The following MAML3 variants were observed in gnomAD, a reference collection of about 807,000 sequenced individuals.
MAML3 encodes the protein mastermind-like protein 3.
A neutral mutation model predicts 101.9 loss-of-function variants in MAML3; 27 were observed. The observed-to-expected ratio is 0.27, with a 90% CI of 0.20 to 0.37. The LOEUF (loss-of-function observed/expected upper bound fraction) is 0.37, where lower values mean the gene tolerates loss of function less well. Ranked by LOEUF, MAML3 falls within the 10% of genes least tolerant of loss-of-function variation. MAML3 has a pLI of 1.00. For synonymous variants in MAML3, 501 were observed against 555.9 expected (o/e 0.90, Z 1.39); for missense variants, 1,316 against 1,444.9 (o/e 0.91, Z 1.45).
At chr4:139,943,283 C>T (rs904130125) in intron 1 of MAML3, among the ~76,000 whole-genome samples, 7 of 152,060 alleles carry the variant, frequency 4.6e-5, no homozygotes, top group African/African-American at 1.4e-4. Context: ...AAGACAGCCA[C>T]GATTGACAGG....
At chr4:139,800,839 A>G (rs1184137862) in intron 2 of MAML3, among the ~76,000 whole-genome samples, 1 of 152,260 alleles carries the variant, frequency 6.6e-6, no homozygotes, top group African/African-American at 2.4e-5. Context: ...GCAACCAGTA[A>G]TCCTGTTGAG....
chr4:139,979,643 AG>A (rs544205294), intron 1 of MAML3, among the ~76,000 whole-genome samples: 101 of 152,304 alleles, frequency 6.6e-4, no homozygotes, highest in Admixed American at 2.0e-3. Flanking sequence ...CCCTTATAAA[AG>A]AGGCTTCCCA....
intron 1 of MAML3, among the ~76,000 whole-genome samples, chr4:139,989,963 A>G (rs1317142047): frequency 2.6e-5 from 4 of 152,106 alleles, no homozygotes; most frequent in Non-Finnish European, 5.9e-5. Flanking sequence ...TTAAATATTA[A>G]GTATCTTTAA....
chr4:140,038,862 GGCTCAT>G (rs972070738), intron 1 of MAML3, among the ~76,000 whole-genome samples: 1 of 152,186 alleles, frequency 6.6e-6, no homozygotes, highest in African/African-American at 2.4e-5. Flanking sequence ...TGGGCGTGGT[GGCTCAT>G]GCTTGTAATC....
intron 1 of MAML3, among the ~76,000 whole-genome samples, chr4:140,052,301 C>T (rs1390327565): frequency 6.6e-6 from 1 of 152,160 alleles, no homozygotes. Context: ...GGTGGAGCCA[C>T]TGCGGGGTAG....
At chr4:139,738,572 C>T (rs1729039777) in intron 2 of MAML3, among the ~76,000 whole-genome samples, 1 of 152,046 alleles carries the variant, frequency 6.6e-6, no homozygotes, top group Admixed American at 6.6e-5. Flanking sequence ...GTCTTGGTCC[C>T]CATTATTTTA....
intron 1 of MAML3, among the ~76,000 whole-genome samples, chr4:140,126,228 A>G (rs2111032567): frequency 1.3e-5 from 2 of 151,740 alleles, no homozygotes; most frequent in Middle Eastern, 3.5e-3. Context: ...CCAACCCCCA[A>G]AAGGTTTACC....
At chr4:140,121,589 GC>G (rs1353260826) in intron 1 of MAML3, among the ~76,000 whole-genome samples, 1 of 152,254 alleles carries the variant, frequency 6.6e-6, no homozygotes, top group East Asian at 1.9e-4. Context: ...ATATGGCAAA[GC>G]AAAAACTAGA....
chr4:139,990,362 A>G (rs1384070453), intron 1 of MAML3, among the ~76,000 whole-genome samples: 5 of 152,176 alleles, frequency 3.3e-5, no homozygotes, highest in African/African-American at 7.2e-5. Flanking sequence ...TCTTCATGCT[A>G]AAAACTCTCA....
intron 1 of MAML3, among the ~76,000 whole-genome samples, chr4:140,036,783 C>G (rs1726992832): frequency 6.6e-6 from 1 of 151,990 alleles, no homozygotes; most frequent in Admixed American, 6.6e-5. Context: ...TAAAAATAAC[C>G]ATGCTTTCTT....
chr4:139,945,418 A>G (rs1212328931), intron 1 of MAML3, among the ~76,000 whole-genome samples: 1 of 152,164 alleles, frequency 6.6e-6, no homozygotes, highest in Admixed American at 6.5e-5. Context: ...TTATCCTTAT[A>G]CCTGGAAGTT....
intron 1 of MAML3, among the ~76,000 whole-genome samples, chr4:140,116,769 T>C (rs2111018646): frequency 6.6e-6 from 1 of 152,326 alleles, no homozygotes; most frequent in African/African-American, 2.4e-5. Flanking sequence ...CCCAAATGAA[T>C]GGTAACACTT....
chr4:140,034,640 G>A (rs1726956882), intron 1 of MAML3, among the ~76,000 whole-genome samples: 1 of 152,186 alleles, frequency 6.6e-6, no homozygotes, highest in Non-Finnish European at 1.5e-5. Context: ...TGGAATCAGA[G>A]TACCTGGATT....
intron 1 of MAML3, among the ~76,000 whole-genome samples, chr4:139,891,270 T>C (rs935701230): frequency 2.6e-5 from 4 of 152,146 alleles, no homozygotes; most frequent in Non-Finnish European, 2.9e-5. Context: ...AATAATCTGT[T>C]ATTATTTTCT....
chr4:139,835,227 G>A (rs1287778988), intron 2 of MAML3, among the ~76,000 whole-genome samples: 3 of 152,246 alleles, frequency 2.0e-5, no homozygotes. Context: ...TGTCAGCAGT[G>A]TGCATAAGCA....
intron 1 of MAML3, among the ~76,000 whole-genome samples, chr4:140,057,133 A>G (rs1049220042): frequency 6.6e-6 from 1 of 152,196 alleles, no homozygotes; most frequent in African/African-American, 2.4e-5. Flanking sequence ...AAAATTAGCC[A>G]GGTGGGATGG....
rs115752432 is a variant in MAML3 at position 139,989,553 on chromosome 4, C to T, written c.469-98586G>A. On this transcript the variant is annotated intron_variant, in intron 1 of 4. Transcript: ENST00000509479. The stretch of plus-strand genomic sequence containing the variant: ...CTTCAGTGTGGGATGCTATGACTCA[C>T]GGTCCATGAGTCATGGAGCCCACAG... 6.5e-3 allele frequency among the ~76,000 whole-genome samples: 995 copies of T among 152,154 alleles called. 11 individuals carry two copies. Among genetic ancestry groups the T allele is most frequent in the African/African-American group, 0.023 (946 of 41,502 alleles).
intron 2 of MAML3, among the ~76,000 whole-genome samples, chr4:139,822,113 A>G (rs1192392307): frequency 6.6e-6 from 1 of 152,066 alleles, no homozygotes; most frequent in East Asian, 1.9e-4. Flanking sequence ...CATCAGGATC[A>G]ACATTATCAC....
intron 1 of MAML3, among the ~76,000 whole-genome samples, chr4:140,041,758 T>C (rs762656412): frequency 6.6e-6 from 1 of 152,176 alleles, no homozygotes; most frequent in Non-Finnish European, 1.5e-5. Context: ...ACCTCTAGCA[T>C]GTTTAACATG....
Sources: allele counts gnomAD v4.1 joint callset (sites outside exome capture counted in the v4.1 genomes callset), GRCh38; gene constraint gnomAD v4.1.1; transcripts MANE v1.5; gene names NCBI Gene and HGNC (gene_info 2026-07-23, HGNC 2026-07-21).